The following GLB1L2 variants were observed in gnomAD, a reference collection of about 807,000 sequenced individuals.
The protein encoded by GLB1L2 is beta-galactosidase-1-like protein 2.
GLB1L2 carries 68 observed loss-of-function variants against 84.1 expected under a neutral mutation model. The observed-to-expected ratio is 0.81, with a 90% CI of 0.67 to 0.99. The LOEUF (loss-of-function observed/expected upper bound fraction) is 0.99. Ranked by LOEUF, GLB1L2 falls within the 50% of genes least tolerant of loss-of-function variation. The pLI, the probability that GLB1L2 is intolerant of heterozygous loss-of-function variation, is 0.00. For missense variants in GLB1L2, 762 were observed against 805.6 expected, an observed-to-expected ratio of 0.95 and a Z score of 0.66; for synonymous variants, 290 against 318.0, an observed-to-expected ratio of 0.91 and a Z score of 0.94.
intron 7 of GLB1L2, among the ~76,000 whole-genome samples, chr11:134,362,315 TC>T (rs754084950): frequency 4.1e-5 from 6 of 146,636 alleles, no homozygotes; most frequent in Non-Finnish European, 6.0e-5. Context: ...CTGCCCGCGT[TC>T]CCTTCCCCGG....
At chr11:134,346,995 T>C (rs1187103085) in intron 4 of GLB1L2, 1 of 271,788 alleles carries the variant, frequency 3.7e-6, no homozygotes, top group Non-Finnish European at 7.2e-6. Context: ...CTTTTTGAAA[T>C]GGGATCACAG....
rs1037853406 is a variant in GLB1L2 at position 134,334,476 on chromosome 11, A to G, written c.86+2329A>G. 1.3e-5 allele frequency among the ~76,000 whole-genome samples: 2 copies of G among 152,016 alleles called. No homozygotes were observed. Among genetic ancestry groups the G allele is most frequent in the Non-Finnish European group, 2.9e-5 (2 of 68,026 alleles). ...AGAATTTTTATTTTTATTTTTTTTA[A>G]GCGTAAACAGTGGTCTTTCTTAAAA... On this transcript the variant is annotated intron_variant, in intron 1 of 18. Coordinates refer to ENST00000535456, the MANE Select transcript of GLB1L2 (RefSeq NM_001370461.1). The surrounding 1 kb of genome is among the most constrained non-coding windows in gnomAD (Gnocchi z 4.1).
intron 4 of GLB1L2, among the ~76,000 whole-genome samples, chr11:134,345,433 C>T (rs1391861926): frequency 6.6e-6 from 1 of 152,230 alleles, no homozygotes; most frequent in Non-Finnish European, 1.5e-5. Context: ...AGGTCATTCA[C>T]CTGCGTGTCT....
At chr11:134,354,211 T>C (rs1943673268) in intron 5 of GLB1L2, among the ~76,000 whole-genome samples, 1 of 152,164 alleles carries the variant, frequency 6.6e-6, no homozygotes, top group Admixed American at 6.6e-5. Context: ...GTAAAGGATA[T>C]ATAATATCCT....
intron 9 of GLB1L2, 137 bp from the exon 10 acceptor site, chr11:134,368,507 G>C (rs1272748346): frequency 1.2e-6 from 1 of 834,146 alleles, no homozygotes; most frequent in African/African-American, 1.7e-5. Context: ...GGTTTTATGA[G>C]AGCTAGAAGG....
chr11:134,374,399 G>T, intron 17 of GLB1L2, 143 bp downstream of exon 17: 1 of 798,762 alleles, frequency 1.3e-6, no homozygotes, highest in South Asian at 1.6e-5. Flanking sequence ...GCCTCCCTGG[G>T]CCAGAGGAGT....
Position 134,374,865 on chromosome 11 carries a change from C to T in GLB1L2, c.1825-107C>T. ...ACGAGTTGTTGGTCCCTGTCCCTTC[C>T]AGCCTGGTTCCCAAACCCTTTCCTT... On this transcript the variant is annotated intron_variant, in intron 18 of 18. Coordinates refer to ENST00000535456, the MANE Select transcript of GLB1L2 (RefSeq NM_001370461.1). The T allele has an allele frequency of 5.6e-6, 7 of 1,246,180 alleles. No homozygotes were observed. In the South Asian group the frequency reaches 6.5e-5, roughly 12 times the overall value. 77.2% of individuals were successfully genotyped at this position (1,246,180 alleles called of 1,614,324 possible).
At chr11:134,359,293 T>C (rs1022698567) in intron 7 of GLB1L2, 152 bp downstream of exon 7, 31 of 557,218 alleles carry the variant, frequency 5.6e-5, no homozygotes, top group African/African-American at 4.8e-4. Context: ...ACCCTTGGGT[T>C]CCATGAGTGG....
intron 5 of GLB1L2, among the ~76,000 whole-genome samples, chr11:134,353,634 TATTG>T (rs1475751605): frequency 6.6e-6 from 1 of 152,198 alleles, no homozygotes; most frequent in African/African-American, 2.4e-5. Context: ...GATATTCAGA[TATTG>T]AGTCTCCTAC....
Position 134,339,608 on chromosome 11 carries a change from C to CT in GLB1L2, c.87-3145dup, listed in dbSNP as rs1468814289. Among the ~76,000 whole-genome samples the CT allele has an allele frequency of 2.6e-5, 4 of 152,004 alleles. No homozygotes were observed. The highest frequency in any genetic ancestry group is 4.2e-4 in the South Asian group (2 of 4,810). On this transcript the variant is annotated intron_variant, in intron 1 of 18. Coordinates refer to ENST00000535456, the MANE Select transcript of GLB1L2 (RefSeq NM_001370461.1). The surrounding 1 kb of genome is among the most constrained non-coding windows in gnomAD (Gnocchi z 5.7). ...TTTATTTCATTCCTCTTGCTATGCA[C>CT]TGAGAAGAACGTTTCATTCTAAAAA... is the stretch of plus-strand genomic sequence containing the variant.
chr11:134,339,377 T>G lies in GLB1L2; in HGVS notation c.87-3377T>G, dbSNP rs963970331. ...CATGATGCTTCGTTGTTTATGAAGC[T>G]GTAACTCGCATGGTCTCATTTACTA... On this transcript the variant is annotated intron_variant, in intron 1 of 18. Coordinates refer to ENST00000535456, the MANE Select transcript of GLB1L2 (RefSeq NM_001370461.1). The surrounding 1 kb of genome is among the most constrained non-coding windows in gnomAD (Gnocchi z 5.7). 1.3e-5 allele frequency among the ~76,000 whole-genome samples: 2 copies of G among 152,220 alleles called. No homozygotes were observed. The highest frequency in any genetic ancestry group is 2.9e-5 in the Non-Finnish European group (2 of 68,042).
intron 9 of GLB1L2, among the ~76,000 whole-genome samples, chr11:134,368,185 T>G (rs1193855526): frequency 6.6e-6 from 1 of 152,282 alleles, no homozygotes; most frequent in Non-Finnish European, 1.5e-5. Context: ...AAATATATAT[T>G]TATTAACCAT....
At chr11:134,350,974 C>G (rs1943622228) in intron 5 of GLB1L2, among the ~76,000 whole-genome samples, 1 of 152,198 alleles carries the variant, frequency 6.6e-6, no homozygotes, top group African/African-American at 2.4e-5. Context: ...ATCATGTTGT[C>G]TGTGAACAGA....
chr11:134,369,530 C>T (rs28594972), intron 10 of GLB1L2, among the ~76,000 whole-genome samples: 8,164 of 107,674 alleles, frequency 0.076, 335 homozygotes, highest in South Asian at 0.16. Context: ...GCTGGGATTA[C>T]AGGTGTGAGC....
intron 16 of GLB1L2, 104 bp from the exon 17 acceptor site, chr11:134,374,041 G>A (rs1017773746): frequency 2.7e-5 from 23 of 858,870 alleles, no homozygotes; most frequent in Middle Eastern, 2.7e-4. Context: ...AAGAGGCGGG[G>A]GGCCTTGGAT....
chr11:134,367,057 G>A (rs1943875134), intron 8 of GLB1L2, 200 bp from the exon 9 acceptor site: 3 of 613,626 alleles, frequency 4.9e-6, no homozygotes. Flanking sequence ...ACCTGCAGGA[G>A]GCCACATGTG....
At chr11:134,355,874 G>A (rs1032188869) in intron 5 of GLB1L2, 2 of 392,802 alleles carry the variant, frequency 5.1e-6, no homozygotes, top group African/African-American at 4.2e-5. Flanking sequence ...TTGTAAACAA[G>A]TTAGAACATT....
intron 4 of GLB1L2, among the ~76,000 whole-genome samples, chr11:134,346,173 C>T (rs1943549942): frequency 1.3e-5 from 2 of 152,194 alleles, no homozygotes; most frequent in African/African-American, 2.4e-5. Flanking sequence ...GCATGACCCG[C>T]CCTTCCCTCG....
At chr11:134,346,183 G>C (rs1005129219) in intron 4 of GLB1L2, among the ~76,000 whole-genome samples, 1 of 152,088 alleles carries the variant, frequency 6.6e-6, no homozygotes, top group African/African-American at 2.4e-5. Context: ...CCCTTCCCTC[G>C]GGGGCATAGC....
Sources: gnomAD v4.1 joint callset for allele counts (sites outside exome capture counted in the v4.1 genomes callset) on GRCh38, gnomAD v4.1.1 for gene constraint, Gnocchi (gnomAD v3.1) non-coding constraint, MANE v1.5 for transcripts, NCBI Gene and HGNC (gene_info 2026-07-23, HGNC 2026-07-21) for gene names.